Variants in TAPT1 observed in about 807,000 individuals in gnomAD.
TAPT1 encodes the protein transmembrane anterior posterior transformation protein 1 homolog.
In TAPT1, 28 loss-of-function variants were observed where a neutral mutation model predicts 65.6. That is an observed-to-expected ratio of 0.43 (90% CI 0.32 to 0.59). The LOEUF (loss-of-function observed/expected upper bound fraction) is 0.59. Ranked by LOEUF, TAPT1 falls within the 20% of genes least tolerant of loss-of-function variation. The probability of loss-of-function intolerance (pLI) is 0.09; values close to 1 mark genes in which losing one functional copy is unlikely to be tolerated. For synonymous variants in TAPT1, 278 were observed against 245.2 expected, an observed-to-expected ratio of 1.13 and a Z score of -1.25; for missense variants, 563 against 679.9, an observed-to-expected ratio of 0.83 and a Z score of 1.91.
At position 16,191,471 on chromosome 4, in the gene TAPT1, T is replaced by C. The variant is rs1749369136; in HGVS notation, c.502A>G (p.Ile168Val). Residue 168 changes from isoleucine (I) to valine (V), a missense_variant, in exon 4 of 14, where the codon ATT (isoleucine) becomes GTT (valine). Physicochemically the swap from Ile to Val is conservative, Grantham distance 29. Transcript: ENST00000405303. ...AQVCDILKGV[I>V]LVICYFMMHY... ...ATCATAAAATAGCAGATTACCAAAA[T>C]GACACCCTTCAAAATGTCACACACC... 6.4e-7 allele frequency: 1 copy of C among 1,570,630 alleles called. No individual in the cohort carries two copies. The highest frequency in any genetic ancestry group is 1.4e-5 in the African/African-American group (1 of 73,878).
At chr4:16,196,760 A>C in intron 3 of TAPT1, 1 of 1,130,826 alleles carries the variant, frequency 8.8e-7, no homozygotes, top group Non-Finnish European at 1.2e-6. Flanking sequence ...AGAAGATTGT[A>C]ATGTTGCTAC....
chr4:16,168,950 G>GA (rs910452680), intron 12 of TAPT1, among the ~76,000 whole-genome samples: 4 of 152,274 alleles, frequency 2.6e-5, no homozygotes, highest in African/African-American at 7.2e-5. Context: ...TGTGGTGGGG[G>GA]AAAGTTCAGC....
intron 1 of TAPT1, among the ~76,000 whole-genome samples, chr4:16,219,569 C>A (rs1578486870): frequency 6.6e-6 from 1 of 152,340 alleles, no homozygotes; most frequent in Middle Eastern, 3.4e-3. Flanking sequence ...ACCACAACAA[C>A]AAAGTTTCAT....
chr4:16,191,455 T>C lies in TAPT1; in HGVS notation c.518A>G (p.Tyr173Cys), dbSNP rs749993401. Residue 173 changes from tyrosine to cysteine, a missense_variant, in exon 4 of 14, where the codon TAT becomes TGT. This residue lies in a region of TAPT1 where 217 missense variants were observed against 317.5 expected (regional missense o/e 0.68). Transcript: ENST00000405303. ...ILKGVILVIC[Y>C]FMMHYVDYSM... ...GTAGTCAACATAGTGCATCATAAAATAGCAGATTACCAAAATGACACCCTT... is the reference window on the plus strand; with the variant it reads ...GTAGTCAACATAGTGCATCATAAAACAGCAGATTACCAAAATGACACCCTT... 2 of 1,576,032 alleles carry C rather than the reference T, an allele frequency of 1.3e-6. No homozygotes were observed. The highest frequency in any genetic ancestry group is 1.2e-5 in the South Asian group (1 of 85,640).
chr4:16,183,962 C>T (rs1381933789), intron 7 of TAPT1, among the ~76,000 whole-genome samples: 1 of 152,120 alleles, frequency 6.6e-6, no homozygotes, highest in Non-Finnish European at 1.5e-5. Context: ...TCTTTTTGTT[C>T]CTTGCTTAGT....
chr4:16,211,290 TA>T (rs1295160463), intron 2 of TAPT1, among the ~76,000 whole-genome samples: 2 of 151,860 alleles, frequency 1.3e-5, no homozygotes, highest in African/African-American at 2.4e-5. Context: ...AAAAAGCCAA[TA>T]AAAAATTATT....
At chr4:16,182,835 C>T (rs1229757585) in intron 7 of TAPT1, 1 of 152,172 alleles carries the variant, frequency 6.6e-6, no homozygotes, top group Admixed American at 6.5e-5. Context: ...AACTACTTTT[C>T]ACATGTCCTC....
At chr4:16,164,985 G>A (rs1055837104) in intron 13 of TAPT1, among the ~76,000 whole-genome samples, 1 of 152,130 alleles carries the variant, frequency 6.6e-6, no homozygotes, top group African/African-American at 2.4e-5. Flanking sequence ...TCTTTCTGAA[G>A]CACACTCCAC....
At chr4:16,181,136 C>A (rs1290647112) in intron 7 of TAPT1, among the ~76,000 whole-genome samples, 2 of 152,184 alleles carry the variant, frequency 1.3e-5, no homozygotes, top group Non-Finnish European at 2.9e-5. Flanking sequence ...AAAATATATT[C>A]TTTGTTACTA....
upstream of TAPT1, chr4:16,227,092 G>T (rs1751632093): frequency 4.4e-6 from 2 of 455,028 alleles, no homozygotes; most frequent in Non-Finnish European, 8.8e-6. Context: ...ATTTATGCTT[G>T]CCTGTTACAT....
intron 12 of TAPT1, among the ~76,000 whole-genome samples, chr4:16,167,325 G>T (rs576466611): frequency 6.6e-6 from 1 of 152,136 alleles, no homozygotes; most frequent in South Asian, 2.1e-4. Context: ...ATACCATTTA[G>T]AAATTTTTCC....
chr4:16,166,897 G>T, intron 12 of TAPT1, 104 bp from the exon 13 acceptor site: 1 of 1,105,404 alleles, frequency 9.0e-7, no homozygotes, highest in Non-Finnish European at 1.3e-6. Flanking sequence ...GGCATGGGAC[G>T]GTGACAGATT....
intron 1 of TAPT1, among the ~76,000 whole-genome samples, chr4:16,223,696 A>G (rs1751386244): frequency 6.6e-6 from 1 of 152,258 alleles, no homozygotes; most frequent in Non-Finnish European, 1.5e-5. Flanking sequence ...GTATAATACA[A>G]TATAGAGCAT....
At chr4:16,226,912 GT>G (rs1206893361), upstream of TAPT1, 2 of 332,190 alleles carry the variant, frequency 6.0e-6, no homozygotes, top group African/African-American at 2.3e-5. Context: ...GTGTCCGGCG[GT>G]CCGCTCAGGG....
intron 1 of TAPT1, among the ~76,000 whole-genome samples, chr4:16,217,210 C>T (rs79028955): frequency 0.014 from 2,180 of 152,258 alleles, 61 homozygotes; most frequent in African/African-American, 0.05. Context: ...TGATTTTCTG[C>T]AGTATACTAC....
In TAPT1 at chr4:16,162,865, C is replaced by T. The variant is rs1168078941; in HGVS notation, c.*443G>A. 3 of 354,744 alleles carry T rather than the reference C, an allele frequency of 8.5e-6. No individual in the cohort carries two copies. The highest frequency in any genetic ancestry group is 4.3e-5 in the African/African-American group (2 of 46,714). The allele number at this position is 354,744 out of a possible 1,614,324, so 22.0% of individuals were successfully genotyped here. A position where few individuals can be genotyped will look rare whatever the true frequency, so the allele number is the denominator to read the frequency against. ...TTTAATGCTTTGGCAGATGAAGTAA[C>T]GTTTGAAAACTGTTTGTGAAAATAG... On this transcript the variant is annotated 3_prime_UTR_variant, in exon 14 of 14. Transcript: ENST00000405303.
chr4:16,178,851 G>A (rs892343244), intron 8 of TAPT1: 1 of 152,128 alleles, frequency 6.6e-6, no homozygotes, highest in Non-Finnish European at 1.5e-5. Context: ...GATAATGTTA[G>A]GGAAGAGCAA....
rs1750094103 is a variant in TAPT1 at position 16,202,488 on chromosome 4, G to A, written c.423C>T (p.Leu141=). ...TTAAGCCATAGCAAGGCAAAGTGAG[G>A]AGCCTGAATAGTGCCAGGAAAACTC... The part of the protein sequence containing the change: ...PLRVFLALFR[L]LTLPCYGLRD... Residue 141 remains leucine (L), a synonymous_variant, in exon 3 of 14, where the codon CTC becomes CTT. Coordinates refer to ENST00000405303, the MANE Select transcript of TAPT1 (RefSeq NM_153365.3). 3.9e-6 allele frequency: 6 copies of A among 1,550,580 alleles called. No homozygotes were observed. The highest frequency in any genetic ancestry group is 3.6e-5 in the South Asian group (3 of 83,980).
upstream of TAPT1, chr4:16,226,613 G>C (rs997552375): frequency 3.9e-5 from 14 of 354,702 alleles, no homozygotes; most frequent in Admixed American, 1.9e-4. Flanking sequence ...ATTGGCGTCA[G>C]CGACGCGTGT....
Sources: allele counts gnomAD v4.1 joint callset (sites outside exome capture counted in the v4.1 genomes callset), GRCh38; gene constraint gnomAD v4.1.1; regional missense constraint gnomAD v4.1.1; transcripts MANE v1.5; gene names NCBI Gene and HGNC (gene_info 2026-07-23, HGNC 2026-07-21).